ARL15: variants seen among roughly 807,000 people sequenced by gnomAD.
ARL15 encodes ARF like GTPase 15.
A neutral mutation model predicts 25.2 loss-of-function variants in ARL15; 19 were observed. That is an observed-to-expected ratio of 0.75 (90% CI 0.53 to 1.10). The LOEUF is 1.10. ARL15 is among the 50% of genes least tolerant of loss of function. The probability of loss-of-function intolerance (pLI) is 0.00; values close to 1 mark genes in which losing one functional copy is unlikely to be tolerated. For synonymous variants in ARL15, 94 were observed against 86.8 expected (o/e 1.08, Z -0.46); for missense variants, 220 against 246.0 (o/e 0.89, Z 0.71).
At chr5:53,901,608 CTTT>C (rs1670706303) in intron 4 of ARL15, among the ~76,000 whole-genome samples, 1 of 83,782 alleles carries the variant, frequency 1.2e-5, no homozygotes, top group Non-Finnish European at 2.2e-5. Flanking sequence ...GAAATTGATT[CTTT>C]TAAGTTTTTT....
intron 1 of ARL15, among the ~76,000 whole-genome samples, chr5:54,187,088 C>T (rs1755261654): frequency 6.6e-6 from 1 of 152,114 alleles, no homozygotes; most frequent in Non-Finnish European, 1.5e-5. Context: ...GGCTAAAGAA[C>T]AGCAAGAACT....
chr5:53,893,334 C>CGGGTG (rs1554024119), intron 4 of ARL15, among the ~76,000 whole-genome samples: 1 of 151,426 alleles, frequency 6.6e-6, no homozygotes, highest in African/African-American at 2.4e-5. Flanking sequence ...AGGCTGGGCA[C>CGGGTG]GGTGGCTCAC....
Position 54,028,592 on chromosome 5 carries a change from C to A in ARL15, c.462+84610G>T, listed in dbSNP as rs941604081. Among the ~76,000 whole-genome samples, 9 of 151,454 alleles carry A rather than the reference C, an allele frequency of 5.9e-5. No homozygotes were observed. The South Asian group carries it at 1.5e-3, about 25-fold the overall frequency. ...AGTGTTAGTTTCCTTAGATTTTTAC[C>A]AATATGTCAAAAGTTGATATTTAAT... On this transcript the variant is annotated intron_variant, in intron 4 of 4. Coordinates refer to ENST00000504924, the MANE Select transcript of ARL15 (RefSeq NM_019087.3).
chr5:54,256,413 T>TAAAA (rs35505658), intron 1 of ARL15, among the ~76,000 whole-genome samples: 54 of 99,478 alleles, frequency 5.4e-4, no homozygotes, highest in African/African-American at 2.0e-3. Context: ...CGAATCAGTT[T>TAAAA]AAAAAAAAAA....
intron 4 of ARL15, among the ~76,000 whole-genome samples, chr5:53,894,792 C>G (rs1468640627): frequency 6.6e-6 from 1 of 152,162 alleles, no homozygotes; most frequent in African/African-American, 2.4e-5. Context: ...CCTATAAATA[C>G]TCTCTCATCT....
chr5:54,034,882 C>T (rs992425209), intron 4 of ARL15, among the ~76,000 whole-genome samples: 4 of 151,484 alleles, frequency 2.6e-5, no homozygotes, highest in African/African-American at 4.9e-5. Context: ...GTTGACAGGC[C>T]GGTCTTGAAC....
chr5:54,111,660 CTA>C (rs774140569), intron 4 of ARL15, among the ~76,000 whole-genome samples: 5 of 151,942 alleles, frequency 3.3e-5, no homozygotes, highest in East Asian at 1.9e-4. Context: ...GCACTTATAT[CTA>C]TGTTTTATCA....
At chr5:54,115,876 T>C (rs1458587190) in intron 3 of ARL15, among the ~76,000 whole-genome samples, 1 of 152,144 alleles carries the variant, frequency 6.6e-6, no homozygotes, top group Non-Finnish European at 1.5e-5. Context: ...GCAGGGGTAC[T>C]GAGATAAGCA....
intron 4 of ARL15, among the ~76,000 whole-genome samples, chr5:54,088,646 G>C (rs1752047734): frequency 6.6e-6 from 1 of 152,182 alleles, no homozygotes; most frequent in Admixed American, 6.5e-5. Context: ...CACAGCCCTA[G>C]TGAAGCATAA....
chr5:54,134,712 G>A (rs1753548820), intron 3 of ARL15, among the ~76,000 whole-genome samples: 1 of 150,146 alleles, frequency 6.7e-6, no homozygotes, highest in Non-Finnish European at 1.5e-5. Context: ...AGCCTCCAGA[G>A]TAGCTGGGAC....
chr5:53,959,689 T>C (rs953000515), intron 4 of ARL15, among the ~76,000 whole-genome samples: 1 of 152,034 alleles, frequency 6.6e-6, no homozygotes, highest in Non-Finnish European at 1.5e-5. Flanking sequence ...CTGCACTGAT[T>C]TGCACCTCTT....
chr5:54,096,515 A>C (rs1752291006), intron 4 of ARL15, among the ~76,000 whole-genome samples: 2 of 152,032 alleles, frequency 1.3e-5, no homozygotes, highest in African/African-American at 2.4e-5. Context: ...GGTTCAAGTG[A>C]TTTTCCTGCC....
chr5:54,019,491 T>C (rs940805738), intron 4 of ARL15, among the ~76,000 whole-genome samples: 1 of 152,204 alleles, frequency 6.6e-6, no homozygotes, highest in Non-Finnish European at 1.5e-5. Context: ...TATTATTTGT[T>C]GGAAGGATTT....
At chr5:53,970,634 A>G (rs1161003845) in intron 4 of ARL15, among the ~76,000 whole-genome samples, 1 of 152,212 alleles carries the variant, frequency 6.6e-6, no homozygotes, top group Non-Finnish European at 1.5e-5. Context: ...AAATGTTATT[A>G]ACAGTTACAG....
At chr5:53,982,180 T>C (rs368066850) in intron 4 of ARL15, among the ~76,000 whole-genome samples, 3,911 of 128,212 alleles carry the variant, frequency 0.031, 204 homozygotes, top group African/African-American at 0.095. Context: ...TTCTTTTTTT[T>C]TTTTCTTTTC....
chr5:54,112,317 G>A (rs1002655766), intron 4 of ARL15, among the ~76,000 whole-genome samples: 18 of 152,190 alleles, frequency 1.2e-4, no homozygotes, highest in African/African-American at 4.1e-4. Flanking sequence ...CACACTAAGT[G>A]TGAGGGAGGT....
chr5:54,048,905 T>A (rs1054423699), intron 4 of ARL15, among the ~76,000 whole-genome samples: 25 of 151,798 alleles, frequency 1.6e-4, no homozygotes, highest in African/African-American at 5.8e-4. Context: ...CAGGAGTTAG[T>A]GGAGGTCAGG....
chr5:54,089,337 C>A (rs137926380), intron 4 of ARL15, among the ~76,000 whole-genome samples: 1 of 152,164 alleles, frequency 6.6e-6, no homozygotes, highest in African/African-American at 2.4e-5. Context: ...GTAGCCATCA[C>A]ATCTAATACT....
chr5:54,180,552 C>A lies in ARL15; in HGVS notation c.49-8624G>T, dbSNP rs769981561. Among the ~76,000 whole-genome samples, 10 of 152,228 alleles carry A rather than the reference C, an allele frequency of 6.6e-5. No homozygotes were observed. In the Middle Eastern group the frequency reaches 0.01, roughly 155 times the overall value. On this transcript the variant is annotated intron_variant, in intron 1 of 4. Transcript: ENST00000504924. ...GGAAATCCTGTCATCCTTTAAGACC[C>A]TAGTGGGAAAAAAACAACAAATTGT...
Sources: gnomAD v4.1 joint callset for allele counts (sites outside exome capture counted in the v4.1 genomes callset) on GRCh38, gnomAD v4.1.1 for gene constraint, MANE v1.5 for transcripts, NCBI Gene and HGNC (gene_info 2026-07-23, HGNC 2026-07-21) for gene names.